EVI5: variants seen among roughly 807,000 people sequenced by gnomAD.
EVI5 encodes ecotropic viral integration site 5 protein homolog.
In EVI5, 73 loss-of-function variants were observed where a neutral mutation model predicts 112.0. The ratio of observed to expected loss-of-function variants is 0.65; its 90% CI spans 0.54 to 0.79. The LOEUF (loss-of-function observed/expected upper bound fraction) is 0.79. Ranked by LOEUF, EVI5 falls within the 30% of genes least tolerant of loss-of-function variation. The pLI, the probability that EVI5 is intolerant of heterozygous loss-of-function variation, is 0.00. For missense variants in EVI5, 900 were observed against 968.8 expected (o/e 0.93, Z 0.94); for synonymous variants, 305 against 319.9 (o/e 0.95, Z 0.50).
chr1:92,651,073 T>C (rs1661999362), intron 13 of EVI5, among the ~76,000 whole-genome samples: 1 of 152,194 alleles, frequency 6.6e-6, no homozygotes, highest in Non-Finnish European at 1.5e-5. Flanking sequence ...TGAAATTGTA[T>C]CTGTTTAATG....
Position 92,563,683 on chromosome 1 carries a change from T to C in EVI5, c.2125A>G (p.Ile709Val). 9 of 1,608,586 alleles carry C rather than the reference T, an allele frequency of 5.6e-6. No individual in the cohort carries two copies. Among genetic ancestry groups the C allele is most frequent in the Non-Finnish European group, 6.8e-6 (8 of 1,176,240 alleles). The change falls in exon 19 of 20, where the codon ATT (isoleucine) becomes GTT (valine). Residue 709 changes from isoleucine (I) to valine (V), a missense_variant. Physicochemically the swap from Ile to Val is conservative, Grantham distance 29. Transcript: ENST00000684568. ...GCTATCTGATCTTTCAGTTCCCCAA[T>C]ATACTGGTTAGAATCAGACTTGTTA... is the stretch of plus-strand genomic sequence containing the variant. ...QLNKSDSNQY[I>V]GELKDQIAEL...
chr1:92,531,476 C>T (rs1662855978), intron 19 of EVI5, among the ~76,000 whole-genome samples: 1 of 152,092 alleles, frequency 6.6e-6, no homozygotes, highest in African/African-American at 2.4e-5. Flanking sequence ...AACCTCAAGA[C>T]ACATAATCAT....
chr1:92,671,677 T>C (rs1242220289), intron 10 of EVI5, among the ~76,000 whole-genome samples: 3 of 152,154 alleles, frequency 2.0e-5, no homozygotes, highest in African/African-American at 7.2e-5. Context: ...ACACCATTTA[T>C]CTACCTGCTC....
chr1:92,782,313 A>G (rs1295350248), intron 1 of EVI5, among the ~76,000 whole-genome samples: 1 of 144,942 alleles, frequency 6.9e-6, no homozygotes, highest in Non-Finnish European at 1.6e-5. Flanking sequence ...TCCAGGCATG[A>G]AAAAAAACAC....
At chr1:92,557,285 T>G (rs1450771834) in intron 19 of EVI5, among the ~76,000 whole-genome samples, 1 of 151,930 alleles carries the variant, frequency 6.6e-6, no homozygotes, top group Admixed American at 6.6e-5. Flanking sequence ...CTCTTTTTTC[T>G]TTTTCTTTTT....
rs116319515 is a variant in EVI5, at chr1:92,568,487, C to T, written c.2071-4750G>A. On this transcript the variant is annotated intron_variant, in intron 18 of 19. Coordinates refer to ENST00000684568, the MANE Select transcript of EVI5 (RefSeq NM_001350197.2). ...ACAGGTACAACACTTATGAGCCCTT[C>T]TCATTTGAGATTCCCAAAGGATTAA... 1.1e-3 allele frequency among the ~76,000 whole-genome samples: 164 copies of T among 152,194 alleles called. 3 individuals are homozygous for T. The highest frequency in any genetic ancestry group is 3.8e-3 in the African/African-American group (157 of 41,546).
At chr1:92,723,217 T>A (rs1037739923) in intron 2 of EVI5, among the ~76,000 whole-genome samples, 1 of 152,222 alleles carries the variant, frequency 6.6e-6, no homozygotes, top group Non-Finnish European at 1.5e-5. Flanking sequence ...TACATTTTTT[T>A]AAAGCTAAGC....
At chr1:92,645,984 C>T (rs1342206776) in intron 13 of EVI5, among the ~76,000 whole-genome samples, 1 of 152,136 alleles carries the variant, frequency 6.6e-6, no homozygotes. Context: ...TCTCCTAATC[C>T]TCCCAGGCTC....
Position 92,764,575 on chromosome 1 carries a change from T to C in EVI5, c.-82+20261A>G, listed in dbSNP as rs1210951510. 2.6e-5 allele frequency among the ~76,000 whole-genome samples: 4 copies of C among 152,172 alleles called. No homozygotes were observed. In the East Asian group the frequency reaches 5.8e-4, roughly 22 times the overall value. ...TGATTACCAAACTTATTTCAAGATA[T>C]CCAAAACTGTACAAGATACAGCATG... On this transcript the variant is annotated intron_variant, in intron 1 of 19. Transcript: ENST00000684568.
At chr1:92,786,041 A>G (rs1200604121), upstream of EVI5, among the ~76,000 whole-genome samples, 1 of 151,932 alleles carries the variant, frequency 6.6e-6, no homozygotes, top group Non-Finnish European at 1.5e-5. Flanking sequence ...CAGTGAGCCA[A>G]GATCGCGCCA....
intron 19 of EVI5, among the ~76,000 whole-genome samples, chr1:92,553,896 C>G (rs1052407982): frequency 2.6e-5 from 4 of 152,206 alleles, no homozygotes; most frequent in African/African-American, 9.7e-5. Flanking sequence ...ACTCTTCAAA[C>G]AGAATGCTTT....
intron 16 of EVI5, among the ~76,000 whole-genome samples, chr1:92,609,129 G>A (rs897511637): frequency 2.0e-5 from 3 of 152,146 alleles, no homozygotes; most frequent in Non-Finnish European, 2.9e-5. Flanking sequence ...CTCTCAACCC[G>A]AAATTATTCT....
intron 9 of EVI5, among the ~76,000 whole-genome samples, chr1:92,688,995 C>G (rs539540338): frequency 2.6e-5 from 4 of 151,978 alleles, no homozygotes; most frequent in African/African-American, 9.7e-5. Flanking sequence ...CAACTAGTAA[C>G]CACTAACAAG....
chr1:92,584,501 C>G (rs1338392149), intron 18 of EVI5, among the ~76,000 whole-genome samples: 2 of 152,288 alleles, frequency 1.3e-5, no homozygotes, highest in African/African-American at 2.4e-5. Flanking sequence ...TAATCAACAT[C>G]ACCTTACTGA....
At chr1:92,614,218 C>A (rs1440325169) in intron 16 of EVI5, among the ~76,000 whole-genome samples, 2 of 152,084 alleles carry the variant, frequency 1.3e-5, no homozygotes, top group Admixed American at 1.3e-4. Flanking sequence ...GAAAAATGTG[C>A]CCATTTCCAG....
chr1:92,573,616 G>GA (rs1229308781), intron 18 of EVI5, among the ~76,000 whole-genome samples: 1 of 151,970 alleles, frequency 6.6e-6, no homozygotes, highest in African/African-American at 2.4e-5. Flanking sequence ...AAAAATAGAG[G>GA]AAAACTGTCA....
At chr1:92,719,960 AT>A (rs1674453804) in intron 2 of EVI5, among the ~76,000 whole-genome samples, 1 of 152,044 alleles carries the variant, frequency 6.6e-6, no homozygotes, top group Non-Finnish European at 1.5e-5. Context: ...TAGGAATCCA[AT>A]TTACAAGGGA....
intron 18 of EVI5, among the ~76,000 whole-genome samples, chr1:92,578,726 A>AG (rs1234525382): frequency 6.6e-6 from 1 of 151,970 alleles, no homozygotes; most frequent in Non-Finnish European, 1.5e-5. Context: ...TAAAAAAAAA[A>AG]AAAAAAGAAA....
intron 19 of EVI5, among the ~76,000 whole-genome samples, chr1:92,526,512 T>A (rs1661907926): frequency 6.6e-6 from 1 of 152,188 alleles, no homozygotes; most frequent in Non-Finnish European, 1.5e-5. Context: ...GTTAAGCAGT[T>A]TAATATTAGT....
Sources: gnomAD v4.1 joint callset for allele counts (sites outside exome capture counted in the v4.1 genomes callset) on GRCh38, gnomAD v4.1.1 for gene constraint, MANE v1.5 for transcripts, NCBI Gene and HGNC (gene_info 2026-07-23, HGNC 2026-07-21) for gene names.